The following AOPEP variants were observed in gnomAD, a reference collection of about 807,000 sequenced individuals.
AOPEP encodes the protein aminopeptidase O (putative), also known as aminopeptidase O.
AOPEP carries 77 observed loss-of-function variants against 98.1 expected under a neutral mutation model. That is an observed-to-expected ratio of 0.78 (90% CI 0.65 to 0.95). The LOEUF is 0.95. Ranked by LOEUF, AOPEP falls within the 40% of genes least tolerant of loss-of-function variation. AOPEP has a pLI of 0.00. For missense variants in AOPEP, 1,024 were observed against 1,024.7 expected (o/e 1.00, Z 0.01); for synonymous variants, 346 against 365.3 (o/e 0.95, Z 0.60).
At chr9:94,976,299 A>G (rs1432231637) in intron 10 of AOPEP, among the ~76,000 whole-genome samples, 2 of 152,046 alleles carry the variant, frequency 1.3e-5, no homozygotes, top group Non-Finnish European at 2.9e-5. Flanking sequence ...CTCACTTAAT[A>G]ACATTCCAGG....
At chr9:95,068,353 C>T (rs1002647272) in intron 14 of AOPEP, among the ~76,000 whole-genome samples, 33 of 152,136 alleles carry the variant, frequency 2.2e-4, no homozygotes, top group African/African-American at 7.2e-4. Context: ...TTATTTTAGC[C>T]ATCCTGTTGG....
intron 11 of AOPEP, among the ~76,000 whole-genome samples, chr9:94,979,742 G>A (rs889462089): frequency 2.7e-5 from 4 of 150,042 alleles, no homozygotes; most frequent in South Asian, 2.1e-4. Flanking sequence ...TCCATGCCCC[G>A]TGGGGCAGGT....
the AOPEP span, among the ~76,000 whole-genome samples, chr9:95,133,565 A>G: frequency 6.6e-6 from 1 of 152,322 alleles, no homozygotes; most frequent in East Asian, 1.9e-4. Context: ...TGTGCTCACC[A>G]CAGTGCTGCT....
In AOPEP at chr9:94,980,505, A is replaced by G. The variant is rs974370871; in HGVS notation, c.1977+1078A>G. The stretch of plus-strand genomic sequence containing the variant: ...GAAGGGACAGGAGGGGCTGTTCTCC[A>G]TTACCTTTTCATCCCCCTCCTCACA... On this transcript the variant is annotated intron_variant, in intron 11 of 16. Transcript: ENST00000375315. The surrounding 1 kb of genome is among the most constrained non-coding windows in gnomAD (Gnocchi z 4.3). Among the ~76,000 whole-genome samples, 2 of 152,150 alleles carry G rather than the reference A, an allele frequency of 1.3e-5. No individual in the cohort carries two copies. The highest frequency in any genetic ancestry group is 2.9e-5 in the Non-Finnish European group (2 of 68,008).
At chr9:95,041,412 T>C (rs969397744) in intron 13 of AOPEP, among the ~76,000 whole-genome samples, 1 of 149,938 alleles carries the variant, frequency 6.7e-6, no homozygotes, top group Non-Finnish European at 1.5e-5. Flanking sequence ...ATTGCCAGAT[T>C]GAGATTGTAT....
chr9:94,990,913 C>A (rs1278287653), intron 11 of AOPEP, among the ~76,000 whole-genome samples: 7 of 152,204 alleles, frequency 4.6e-5, no homozygotes. Context: ...TAGGCATGAG[C>A]CACCGCGCCT....
intron 5 of AOPEP, among the ~76,000 whole-genome samples, chr9:94,848,424 C>A (rs1482042236): frequency 6.8e-6 from 1 of 147,320 alleles, no homozygotes; most frequent in Non-Finnish European, 1.5e-5. Flanking sequence ...TGCACTCCAG[C>A]CTGGGCGACG....
chr9:95,118,360 C>T, the AOPEP span, among the ~76,000 whole-genome samples: 3 of 152,240 alleles, frequency 2.0e-5, no homozygotes, highest in Non-Finnish European at 2.9e-5. Flanking sequence ...TAAAACTGTG[C>T]TCGCATTTCG....
At chr9:94,897,879 G>A (rs996290042) in intron 5 of AOPEP, among the ~76,000 whole-genome samples, 5 of 142,976 alleles carry the variant, frequency 3.5e-5, no homozygotes, top group African/African-American at 8.0e-5. Context: ...TTGCTCTGTC[G>A]CCCAGGCTGG....
chr9:94,802,210 G>A (rs186288119), intron 5 of AOPEP, among the ~76,000 whole-genome samples: 2 of 152,120 alleles, frequency 1.3e-5, no homozygotes, highest in African/African-American at 4.8e-5. Context: ...GAGTCTGCTG[G>A]CCTTAATTTA....
intron 5 of AOPEP, among the ~76,000 whole-genome samples, chr9:94,871,657 G>A (rs1016424418): frequency 6.6e-6 from 1 of 152,072 alleles, no homozygotes; most frequent in Non-Finnish European, 1.5e-5. Flanking sequence ...ATATTTATTG[G>A]TACTGAAGTT....
chr9:95,016,350 C>T (rs1003854241), intron 13 of AOPEP, among the ~76,000 whole-genome samples: 6 of 148,454 alleles, frequency 4.0e-5, no homozygotes, highest in Non-Finnish European at 5.9e-5. Flanking sequence ...TCAAGCCATT[C>T]TCCCTGCCTC....
chr9:94,920,680 C>T (rs1054964552), intron 5 of AOPEP, among the ~76,000 whole-genome samples: 1 of 152,212 alleles, frequency 6.6e-6, no homozygotes, highest in African/African-American at 2.4e-5. Context: ...GTAATGAAGG[C>T]ACTCCTTCCT....
chr9:95,082,461 T>C (rs2069923648), intron 15 of AOPEP, 114 bp from the exon 16 acceptor site: 2 of 1,224,992 alleles, frequency 1.6e-6, no homozygotes, highest in South Asian at 1.5e-5. Context: ...CTGGGGTCTT[T>C]GCAATTTCTA....
At chr9:95,140,472 A>G in the AOPEP span, among the ~76,000 whole-genome samples, 2 of 144,942 alleles carry the variant, frequency 1.4e-5, no homozygotes, top group Admixed American at 1.3e-4. Context: ...TTTTATAGCT[A>G]CAAAAAAACA....
At chr9:95,054,622 T>C (rs1051879245) in intron 13 of AOPEP, among the ~76,000 whole-genome samples, 2 of 152,214 alleles carry the variant, frequency 1.3e-5, no homozygotes, top group Non-Finnish European at 2.9e-5. Flanking sequence ...TGTTTTAGGT[T>C]CTGTGGTGCC....
At chr9:95,005,382 C>G (rs914957853) in intron 12 of AOPEP, among the ~76,000 whole-genome samples, 160 bp from the exon 13 acceptor site, 1 of 151,478 alleles carries the variant, frequency 6.6e-6, no homozygotes, top group Non-Finnish European at 1.5e-5. Context: ...GCGGCCCCTG[C>G]GGTGAGGCGC....
the AOPEP span, chr9:95,101,131 G>A: frequency 2.5e-5 from 6 of 239,636 alleles, no homozygotes; most frequent in East Asian, 1.8e-4. Context: ...CCGGAGGCCC[G>A]GGCTTGGGTG....
At chr9:94,802,984 G>A (rs951907120) in intron 5 of AOPEP, among the ~76,000 whole-genome samples, 1 of 152,106 alleles carries the variant, frequency 6.6e-6, no homozygotes, top group African/African-American at 2.4e-5. Flanking sequence ...GCTGAGTGGG[G>A]TTTATGACTC....
Sources: allele counts gnomAD v4.1 joint callset (sites outside exome capture counted in the v4.1 genomes callset), GRCh38; gene constraint gnomAD v4.1.1; non-coding constraint Gnocchi (gnomAD v3.1); transcripts MANE v1.5; gene names NCBI Gene and HGNC (gene_info 2026-07-23, HGNC 2026-07-21).